The following CFAP299 variants were observed in gnomAD, a reference collection of about 807,000 sequenced individuals.
CFAP299 encodes the protein cilia- and flagella-associated protein 299.
A neutral mutation model predicts 27.0 loss-of-function variants in CFAP299; 21 were observed. That is an observed-to-expected ratio of 0.78 (90% CI 0.55 to 1.12). The LOEUF (loss-of-function observed/expected upper bound fraction) is 1.12, where lower values mean the gene tolerates loss of function less well. CFAP299 is among the 50% of genes most tolerant of loss of function. The pLI is 0.00. For missense variants in CFAP299, 310 were observed against 276.6 expected, an observed-to-expected ratio of 1.12 and a Z score of -0.86; for synonymous variants, 104 against 98.1, an observed-to-expected ratio of 1.06 and a Z score of -0.36.
chr4:80,338,802 T>C (rs1722289020), intron 1 of CFAP299, among the ~76,000 whole-genome samples: 1 of 152,254 alleles, frequency 6.6e-6, no homozygotes, highest in Non-Finnish European at 1.5e-5. Flanking sequence ...GCAAGCATTT[T>C]ACAAACATTT....
chr4:80,611,419 A>G (rs1737970684), intron 3 of CFAP299, among the ~76,000 whole-genome samples: 1 of 152,074 alleles, frequency 6.6e-6, no homozygotes, highest in East Asian at 1.9e-4. Context: ...TATTTGACAG[A>G]ATGATTTAAC....
intron 3 of CFAP299, among the ~76,000 whole-genome samples, chr4:80,793,245 A>T (rs1727672786): frequency 6.6e-6 from 1 of 151,994 alleles, no homozygotes; most frequent in Non-Finnish European, 1.5e-5. Flanking sequence ...TTGGAGTCTG[A>T]TGTTCAAGGG....
Position 80,630,592 on chromosome 4 carries a change from T to C in CFAP299, c.333+47409T>C, listed in dbSNP as rs145715774. On this transcript the variant is annotated intron_variant, in intron 3 of 5. Transcript: ENST00000358105. Reference sequence around the variant, plus strand: ...ATACTGTAGTGGCAACTAATGCTAATTTTCTGTGAATATGGGAATCATTTC... The same window carrying C: ...ATACTGTAGTGGCAACTAATGCTAACTTTCTGTGAATATGGGAATCATTTC... 4.6e-3 allele frequency among the ~76,000 whole-genome samples: 704 copies of C among 152,192 alleles called. 4 individuals are homozygous for C. The highest frequency in any genetic ancestry group is 0.014 in the African/African-American group (564 of 41,566).
intron 5 of CFAP299, among the ~76,000 whole-genome samples, chr4:80,957,045 C>A (rs1250683915): frequency 6.6e-6 from 1 of 152,018 alleles, no homozygotes; most frequent in African/African-American, 2.4e-5. Flanking sequence ...CATATATTTT[C>A]TTCTAAATTT....
intron 3 of CFAP299, among the ~76,000 whole-genome samples, chr4:80,746,970 T>G (rs756494391): frequency 2.0e-5 from 3 of 151,988 alleles, no homozygotes; most frequent in Non-Finnish European, 4.4e-5. Context: ...AGGATTGGCC[T>G]TTGTATCCAT....
At chr4:80,486,444 A>G (rs1460342851) in intron 2 of CFAP299, among the ~76,000 whole-genome samples, 1 of 152,224 alleles carries the variant, frequency 6.6e-6, no homozygotes, top group East Asian at 1.9e-4. Flanking sequence ...TGCTAAAGGA[A>G]AAAGTTCTAG....
chr4:80,692,693 A>G (rs1720803576), intron 3 of CFAP299, among the ~76,000 whole-genome samples: 1 of 152,186 alleles, frequency 6.6e-6, no homozygotes, highest in Non-Finnish European at 1.5e-5. Context: ...AAAATTGACA[A>G]ATGGGATCTA....
intron 3 of CFAP299, among the ~76,000 whole-genome samples, chr4:80,696,206 C>T (rs1321133195): frequency 6.6e-6 from 1 of 150,876 alleles, no homozygotes; most frequent in Non-Finnish European, 1.5e-5. Flanking sequence ...GAGGCTGAGG[C>T]AGGAGAATTG....
chr4:80,424,241 C>G (rs552289135), intron 2 of CFAP299, among the ~76,000 whole-genome samples: 1 of 152,110 alleles, frequency 6.6e-6, no homozygotes, highest in South Asian at 2.1e-4. Context: ...AACCTTCCCA[C>G]GTGGTGGTAT....
chr4:80,420,699 C>T (rs1578423530), intron 2 of CFAP299, among the ~76,000 whole-genome samples: 1 of 152,230 alleles, frequency 6.6e-6, no homozygotes, highest in East Asian at 1.9e-4. Context: ...TCAATATTTT[C>T]TCCCAGTCTG....
intron 3 of CFAP299, among the ~76,000 whole-genome samples, chr4:80,630,503 T>G (rs1198818480): frequency 2.6e-5 from 4 of 151,942 alleles, no homozygotes; most frequent in African/African-American, 9.7e-5. Context: ...AATAATAGTG[T>G]TTTTTTAATA....
At chr4:80,406,462 G>T (rs1726424425) in intron 2 of CFAP299, among the ~76,000 whole-genome samples, 1 of 152,130 alleles carries the variant, frequency 6.6e-6, no homozygotes, top group Non-Finnish European at 1.5e-5. Flanking sequence ...ATCTTCAGCT[G>T]TAAGGAATCC....
chr4:80,375,600 G>A (rs1299911518), intron 2 of CFAP299, among the ~76,000 whole-genome samples: 2 of 152,162 alleles, frequency 1.3e-5, no homozygotes, highest in African/African-American at 4.8e-5. Flanking sequence ...AAATAAAGTC[G>A]AGAATTCAAA....
chr4:80,436,889 C>G (rs1385996162), intron 2 of CFAP299, among the ~76,000 whole-genome samples: 1 of 152,104 alleles, frequency 6.6e-6, no homozygotes, highest in South Asian at 2.1e-4. Flanking sequence ...TAACAGTCAG[C>G]TATTGCTTCT....
intron 3 of CFAP299, among the ~76,000 whole-genome samples, chr4:80,736,306 C>A (rs1477812416): frequency 7.9e-5 from 12 of 152,134 alleles, no homozygotes; most frequent in African/African-American, 2.7e-4. Flanking sequence ...ATATGGCTAG[C>A]CAGTTTTCCC....
intron 2 of CFAP299, among the ~76,000 whole-genome samples, chr4:80,551,753 GA>G (rs1734523773): frequency 6.6e-6 from 1 of 150,894 alleles, no homozygotes. Context: ...ATATATCTAT[GA>G]TTTTTTTTTT....
At chr4:80,868,991 A>G (rs1015243681) in intron 3 of CFAP299, among the ~76,000 whole-genome samples, 5 of 151,078 alleles carry the variant, frequency 3.3e-5, no homozygotes, top group African/African-American at 1.2e-4. Flanking sequence ...CTTGATGGTG[A>G]AAAGATGTCC....
intron 1 of CFAP299, among the ~76,000 whole-genome samples, chr4:80,355,354 C>CTTTTTTTTTTTTTTTTTTTT (rs70944772): frequency 1.0e-5 from 1 of 95,522 alleles, no homozygotes; most frequent in Non-Finnish European, 1.9e-5. Flanking sequence ...ATGTCCTTTG[C>CTTTTTTTTTTTTTTTTTTTT]TTTTTTTTTT....
chr4:80,761,130 C>T (rs1725524083), intron 3 of CFAP299, among the ~76,000 whole-genome samples: 1 of 152,122 alleles, frequency 6.6e-6, no homozygotes, highest in South Asian at 2.1e-4. Context: ...TAAAATTTCC[C>T]TGACCCTAAA....
Sources: allele counts gnomAD v4.1 joint callset (sites outside exome capture counted in the v4.1 genomes callset), GRCh38; gene constraint gnomAD v4.1.1; transcripts MANE v1.5; gene names NCBI Gene and HGNC (gene_info 2026-07-23, HGNC 2026-07-21).